Variants in PAK1 observed in about 807,000 individuals in gnomAD.
The protein encoded by PAK1 is p21 (RAC1) activated kinase 1, also known as serine/threonine-protein kinase PAK 1.
A neutral mutation model predicts 67.4 loss-of-function variants in PAK1; 29 were observed. The ratio of observed to expected loss-of-function variants is 0.43; its 90% confidence interval spans 0.32 to 0.59. PAK1 has a LOEUF of 0.59. Ranked by LOEUF, PAK1 falls within the 20% of genes least tolerant of loss-of-function variation. The probability of loss-of-function intolerance (pLI) is 0.07; values close to 1 mark genes in which losing one functional copy is unlikely to be tolerated. For missense variants in PAK1, 337 were observed against 670.7 expected, an observed-to-expected ratio of 0.50 and a Z score of 5.50; for synonymous variants, 223 against 237.4, an observed-to-expected ratio of 0.94 and a Z score of 0.56.
chr11:77,490,145 C>G, the PAK1 span, among the ~76,000 whole-genome samples: 1 of 151,648 alleles, frequency 6.6e-6, no homozygotes, highest in African/African-American at 2.4e-5. Context: ...CTGGCCGCCC[C>G]GTCTGAGAAG....
At chr11:77,519,071 AC>A in the PAK1 span, among the ~76,000 whole-genome samples, 2 of 152,186 alleles carry the variant, frequency 1.3e-5, no homozygotes, top group South Asian at 4.1e-4. Context: ...CTACCAACAC[AC>A]CTAACAAAAG....
the PAK1 span, among the ~76,000 whole-genome samples, chr11:77,529,457 G>A: frequency 6.6e-6 from 1 of 152,248 alleles, no homozygotes; most frequent in Admixed American, 6.5e-5. Context: ...TCATGCCCAG[G>A]GCAACCTTTT....
the PAK1 span, among the ~76,000 whole-genome samples, chr11:77,515,337 A>G: frequency 2.0e-5 from 3 of 152,160 alleles, no homozygotes. Flanking sequence ...TAATCTAGAT[A>G]AAGAGATTTG....
chr11:77,423,021 C>T (rs1183200141), intron 1 of PAK1, among the ~76,000 whole-genome samples: 1 of 151,920 alleles, frequency 6.6e-6, no homozygotes, highest in Non-Finnish European at 1.5e-5. Flanking sequence ...CAATGCCCTC[C>T]CTCCAGAAAA....
intron 5 of PAK1, among the ~76,000 whole-genome samples, chr11:77,366,076 T>C (rs1348701340): frequency 1.3e-5 from 2 of 152,162 alleles, no homozygotes; most frequent in Non-Finnish European, 2.9e-5. Context: ...CTGAAATTTT[T>C]AAAAATTGCC....
intron 5 of PAK1, among the ~76,000 whole-genome samples, chr11:77,366,484 AAAG>A (rs1947603583): frequency 6.6e-6 from 1 of 152,228 alleles, no homozygotes. Flanking sequence ...GTAATAGAAT[AAAG>A]AAGGGGCAGG....
intron 1 of PAK1, among the ~76,000 whole-genome samples, chr11:77,446,273 A>G (rs1366398958): frequency 6.6e-6 from 1 of 152,186 alleles, no homozygotes; most frequent in Non-Finnish European, 1.5e-5. Flanking sequence ...GCACTTTGGG[A>G]GGCCGAGGTG....
At chr11:77,387,392 C>T (rs911215283) in intron 2 of PAK1, among the ~76,000 whole-genome samples, 1 of 152,150 alleles carries the variant, frequency 6.6e-6, no homozygotes, top group African/African-American at 2.4e-5. Flanking sequence ...TTTAAAAGCA[C>T]CATAAGTGAG....
chr11:77,381,260 C>A (rs1000661054), intron 2 of PAK1, among the ~76,000 whole-genome samples: 5 of 151,976 alleles, frequency 3.3e-5, no homozygotes, highest in Non-Finnish European at 2.9e-5. Context: ...TCTTAAGGGT[C>A]CCTCAAGCAC....
intron 1 of PAK1, among the ~76,000 whole-genome samples, chr11:77,395,589 T>TAC (rs916359718): frequency 6.6e-6 from 1 of 151,362 alleles, no homozygotes; most frequent in African/African-American, 2.4e-5. Flanking sequence ...TATTTACTTA[T>TAC]ACACACACAC....
intron 1 of PAK1, among the ~76,000 whole-genome samples, chr11:77,417,364 A>C (rs1037452): frequency 0.069 from 10,498 of 152,262 alleles, 830 homozygotes; most frequent in East Asian, 0.25. Context: ...TTTCTAAGTA[A>C]AAGAAGCCAG....
At position 77,460,469 on chromosome 11, in the gene PAK1, TA is replaced by T. The variant is rs1200994507; in HGVS notation, c.-22+13082del. On this transcript the variant is annotated intron_variant, in intron 1 of 14. Transcript: ENST00000356341. ...GGTAAGGTACTCGAAGTAGAAGTTG[TA>T]AATAGCTATTTTAAAAAGACTAGCT... Among the ~76,000 whole-genome samples the T allele has an allele frequency of 2.0e-5, 3 of 151,410 alleles. No individual in the cohort carries two copies. In the East Asian group the frequency reaches 5.8e-4, roughly 29 times the overall value.
At chr11:77,519,752 G>A in the PAK1 span, among the ~76,000 whole-genome samples, 5 of 152,212 alleles carry the variant, frequency 3.3e-5, no homozygotes, top group African/African-American at 1.2e-4. Context: ...TGGGAAGGCA[G>A]GATAATACTG....
chr11:77,349,143 C>T, intron 9 of PAK1, 96 bp downstream of exon 9: 1 of 758,816 alleles, frequency 1.3e-6, no homozygotes, highest in East Asian at 2.9e-5. Context: ...AAAAAAAAAC[C>T]TAGAACTGTT....
At chr11:77,502,922 T>C in the PAK1 span, among the ~76,000 whole-genome samples, 1 of 152,178 alleles carries the variant, frequency 6.6e-6, no homozygotes, top group Non-Finnish European at 1.5e-5. Flanking sequence ...TCTTTTTACT[T>C]TTCTTTATTT....
intron 5 of PAK1, among the ~76,000 whole-genome samples, chr11:77,363,265 C>A (rs1314053396): frequency 6.6e-6 from 1 of 152,130 alleles, no homozygotes; most frequent in African/African-American, 2.4e-5. Flanking sequence ...AAAATGGCCA[C>A]TGAAATGTGA....
chr11:77,499,795 GCACA>G, the PAK1 span, among the ~76,000 whole-genome samples: 1 of 151,394 alleles, frequency 6.6e-6, no homozygotes, highest in African/African-American at 2.4e-5. Flanking sequence ...TGCTGACACT[GCACA>G]CACACACACA....
intron 1 of PAK1, among the ~76,000 whole-genome samples, chr11:77,399,666 C>G (rs904260925): frequency 6.6e-6 from 1 of 151,120 alleles, no homozygotes; most frequent in Non-Finnish European, 1.5e-5. Context: ...GAGACCATCC[C>G]GGCTAAAACG....
chr11:77,373,158 T>C (rs1169748799), intron 5 of PAK1, among the ~76,000 whole-genome samples: 2 of 152,140 alleles, frequency 1.3e-5, no homozygotes, highest in Admixed American at 6.5e-5. Flanking sequence ...GGACTTGGCA[T>C]AGGATAAACT....
Sources: gnomAD v4.1 joint callset for allele counts (sites outside exome capture counted in the v4.1 genomes callset) on GRCh38, gnomAD v4.1.1 for gene constraint, MANE v1.5 for transcripts, NCBI Gene and HGNC (gene_info 2026-07-23, HGNC 2026-07-21) for gene names.